Variants in KANSL1 observed in about 807,000 individuals in gnomAD.
KANSL1 encodes the protein KAT8 regulatory NSL complex subunit 1, also known as MLL1/MLL complex subunit KANSL1.
In KANSL1, 22 loss-of-function variants were observed where a neutral mutation model predicts 103.6. That is an observed-to-expected ratio of 0.21 (90% CI 0.15 to 0.30). The LOEUF (loss-of-function observed/expected upper bound fraction) is 0.30. KANSL1 is among the 10% of genes least tolerant of loss of function. KANSL1 has a pLI of 1.00. For synonymous variants in KANSL1, 600 were observed against 527.6 expected, an observed-to-expected ratio of 1.14 and a Z score of -1.88; for missense variants, 1,337 against 1,399.8, an observed-to-expected ratio of 0.96 and a Z score of 0.72.
At chr17:46,130,636 C>A (rs556674109) in intron 2 of KANSL1, among the ~76,000 whole-genome samples, 1 of 152,220 alleles carries the variant, frequency 6.6e-6, no homozygotes, top group African/African-American at 2.4e-5. Flanking sequence ...CCGAACACTA[C>A]AATAGCAACA....
At chr17:46,186,904 T>C (rs74615901) in intron 1 of KANSL1, among the ~76,000 whole-genome samples, 48 of 91,020 alleles carry the variant, frequency 5.3e-4, no homozygotes, top group African/African-American at 2.0e-3. Flanking sequence ...ATTTTTGCTG[T>C]TTTTTTTTTT....
At chr17:46,145,839 C>G (rs1292062662) in intron 2 of KANSL1, among the ~76,000 whole-genome samples, 1 of 152,242 alleles carries the variant, frequency 6.6e-6, no homozygotes, top group Non-Finnish European at 1.5e-5. Flanking sequence ...AGGGATTCTC[C>G]TGCCTCAGCC....
intron 2 of KANSL1, among the ~76,000 whole-genome samples, chr17:46,140,982 G>A (rs2044391095): frequency 6.6e-6 from 1 of 151,826 alleles, no homozygotes; most frequent in Non-Finnish European, 1.5e-5. Context: ...GTTATACACA[G>A]GGCTACTTTA....
chr17:46,095,060 A>G (rs190429904), intron 2 of KANSL1, among the ~76,000 whole-genome samples: 565 of 152,322 alleles, frequency 3.7e-3, no homozygotes, highest in Non-Finnish European at 5.8e-3. Flanking sequence ...AAGAATTATT[A>G]AAACTAATAA....
chr17:46,062,204 T>C (rs760021283), intron 6 of KANSL1, among the ~76,000 whole-genome samples: 13 of 150,702 alleles, frequency 8.6e-5, no homozygotes, highest in African/African-American at 1.9e-4. Flanking sequence ...TTAAAACTTA[T>C]AGACTGAAAC....
At chr17:46,165,323 C>T (rs1422140436) in intron 2 of KANSL1, among the ~76,000 whole-genome samples, 2 of 152,118 alleles carry the variant, frequency 1.3e-5, no homozygotes, top group Non-Finnish European at 2.9e-5. Context: ...AGCTCCACCT[C>T]CTGGGTTCTG....
chr17:46,172,190 G>A lies in KANSL1; in HGVS notation c.-47C>T, dbSNP rs765669550. The A allele has an allele frequency of 4.7e-5, 74 of 1,561,154 alleles. No individual in the cohort carries two copies. Among genetic ancestry groups the A allele is most frequent in the South Asian group, 1.4e-4 (12 of 88,472 alleles). The stretch of plus-strand genomic sequence containing the variant: ...TCCAGCCTCTCCCGATGCCGAGGCC[G>A]AGGCCAGCTCCACGGCCCCTTACTG... On this transcript the variant is annotated 5_prime_UTR_variant, in exon 2 of 15. Transcript: ENST00000432791.
At chr17:46,154,315 C>G (rs1361264914) in intron 2 of KANSL1, among the ~76,000 whole-genome samples, 1 of 152,256 alleles carries the variant, frequency 6.6e-6, no homozygotes, top group Admixed American at 6.5e-5. Flanking sequence ...ATATTCCCCC[C>G]TCAGGGTTGC....
chr17:46,116,874 T>G (rs2043068003), intron 2 of KANSL1, among the ~76,000 whole-genome samples: 1 of 152,220 alleles, frequency 6.6e-6, no homozygotes, highest in African/African-American at 2.4e-5. Flanking sequence ...TATAAATCTG[T>G]AGCTTCCAAA....
chr17:46,061,291 C>G lies in KANSL1; in HGVS notation c.1848+5246G>C, dbSNP rs139137505. ...TGGTTTAATTATAAACATAATTTTA[C>G]TTAAAAAATAAAAAGCAACCTTATT... is the stretch of plus-strand genomic sequence containing the variant. On this transcript the variant is annotated intron_variant, in intron 6 of 14. Transcript: ENST00000432791. Among the ~76,000 whole-genome samples the G allele has an allele frequency of 1.7e-3, 260 of 152,176 alleles. 1 individual carries two copies. Among genetic ancestry groups the G allele is most frequent in the African/African-American group, 6.0e-3 (251 of 41,522 alleles).
At chr17:46,133,467 G>A (rs2043967953) in intron 2 of KANSL1, among the ~76,000 whole-genome samples, 1 of 152,194 alleles carries the variant, frequency 6.6e-6, no homozygotes, top group South Asian at 2.1e-4. Context: ...AAAAAGCTAT[G>A]AGGCAGGAAA....
At chr17:46,083,655 C>T (rs551037544) in intron 3 of KANSL1, among the ~76,000 whole-genome samples, 2 of 152,292 alleles carry the variant, frequency 1.3e-5, no homozygotes, top group South Asian at 4.1e-4. Context: ...CCACCTCAGC[C>T]TCTGGAGTAG....
At chr17:46,052,093 G>C (rs972204154) in intron 6 of KANSL1, among the ~76,000 whole-genome samples, 1 of 152,168 alleles carries the variant, frequency 6.6e-6, no homozygotes, top group East Asian at 1.9e-4. Flanking sequence ...ATGACATTTT[G>C]AGGTAAAGAG....
At chr17:46,051,845 G>A (rs1206249040) in intron 6 of KANSL1, among the ~76,000 whole-genome samples, 2 of 152,178 alleles carry the variant, frequency 1.3e-5, no homozygotes, top group Non-Finnish European at 2.9e-5. Context: ...ATATACATAA[G>A]AACAATGTGG....
At chr17:46,123,883 CAT>C (rs2043395817) in intron 2 of KANSL1, among the ~76,000 whole-genome samples, 1 of 152,256 alleles carries the variant, frequency 6.6e-6, no homozygotes, top group South Asian at 2.1e-4. Flanking sequence ...CATTAAACAA[CAT>C]GTCAGCAATG....
intron 4 of KANSL1, among the ~76,000 whole-genome samples, chr17:46,079,436 T>G (rs943302191): frequency 6.6e-6 from 1 of 152,208 alleles, no homozygotes; most frequent in Non-Finnish European, 1.5e-5. Context: ...TATCTATAAT[T>G]GATTAGGGCC....
chr17:46,129,924 A>C (rs929480185), intron 2 of KANSL1, among the ~76,000 whole-genome samples: 1 of 152,062 alleles, frequency 6.6e-6, no homozygotes, highest in Admixed American at 6.6e-5. Context: ...AGTGGCTCAC[A>C]CCTGTAATTC....
chr17:46,189,784 G>A (rs143517174), intron 1 of KANSL1, among the ~76,000 whole-genome samples: 1,896 of 152,078 alleles, frequency 0.012, 27 homozygotes, highest in African/African-American at 0.034. Flanking sequence ...GCACATGCCT[G>A]TAGTCCCTGC....
At chr17:46,175,216 T>C (rs2046460948) in intron 1 of KANSL1, among the ~76,000 whole-genome samples, 4 of 152,040 alleles carry the variant, frequency 2.6e-5, no homozygotes, top group Admixed American at 1.3e-4. Flanking sequence ...GTATGACAAT[T>C]TGAATCATTA....
Sources: allele counts gnomAD v4.1 joint callset (sites outside exome capture counted in the v4.1 genomes callset), GRCh38; gene constraint gnomAD v4.1.1; transcripts MANE v1.5; gene names NCBI Gene and HGNC (gene_info 2026-07-23, HGNC 2026-07-21).